The following INKA2 variants were observed in gnomAD, a reference collection of about 807,000 sequenced individuals.
INKA2 encodes the protein PAK4-inhibitor INKA2.
Under a neutral mutation model 9.8 loss-of-function variants are expected in INKA2, and 3 were observed. The observed-to-expected ratio is 0.31, with a 90% CI of 0.14 to 0.79. The LOEUF (loss-of-function observed/expected upper bound fraction) is 0.79. Among genes scored for constraint, INKA2 ranks in the 30% least tolerant of loss-of-function variants. The pLI, the probability that INKA2 is intolerant of heterozygous loss-of-function variation, is 0.62. For missense variants in INKA2, 392 were observed against 384.4 expected, an observed-to-expected ratio of 1.02 and a Z score of -0.17; for synonymous variants, 147 against 143.3, an observed-to-expected ratio of 1.03 and a Z score of -0.18.
At chr1:111,736,596 C>G (rs1663013131) in intron 1 of INKA2, among the ~76,000 whole-genome samples, 1 of 152,214 alleles carries the variant, frequency 6.6e-6, no homozygotes, top group Non-Finnish European at 1.5e-5. Context: ...GAATATAGAA[C>G]TTGACCAGTA....
intron 1 of INKA2, among the ~76,000 whole-genome samples, chr1:111,749,466 G>A (rs896512508): frequency 1.3e-5 from 2 of 152,014 alleles, no homozygotes; most frequent in Non-Finnish European, 2.9e-5. Context: ...GCGTGCTAGG[G>A]AGCCAAGGCA....
chr1:111,728,197 G>A (rs1305530190), intron 1 of INKA2, among the ~76,000 whole-genome samples: 1 of 151,962 alleles, frequency 6.6e-6, no homozygotes, highest in Admixed American at 6.5e-5. Context: ...GCACAAAGCT[G>A]TAGTGCCCAT....
chr1:111,740,387 G>A (rs1478252946), upstream of INKA2, among the ~76,000 whole-genome samples: 5 of 152,134 alleles, frequency 3.3e-5, no homozygotes, highest in Non-Finnish European at 7.4e-5. Context: ...AGACCGGTGG[G>A]GGGTGCTCCT....
chr1:111,738,193 A>G (rs1239972679), intron 1 of INKA2, among the ~76,000 whole-genome samples: 1 of 152,236 alleles, frequency 6.6e-6, no homozygotes, highest in Non-Finnish European at 1.5e-5. Context: ...GACACAACAG[A>G]GAGCCTAGTG....
At chr1:111,743,657 C>A (rs1191054715), upstream of INKA2, among the ~76,000 whole-genome samples, 1 of 152,230 alleles carries the variant, frequency 6.6e-6, no homozygotes, top group Non-Finnish European at 1.5e-5. Flanking sequence ...GGAAGACATA[C>A]CCGAGTGAGG....
chr1:111,755,497 C>G, intron 1 of INKA2: 2 of 597,308 alleles, frequency 3.3e-6, no homozygotes, highest in Non-Finnish European at 5.7e-6. Flanking sequence ...AAGAGGTGGC[C>G]GCGAAGCGAG....
At position 111,723,333 on chromosome 1, in the gene INKA2, G is replaced by A. The variant is rs1243314476; in HGVS notation, c.*3635C>T. 9 of 497,706 alleles carry A rather than the reference G, an allele frequency of 1.8e-5. No homozygotes were observed. The highest frequency in any genetic ancestry group is 1.0e-4 in the African/African-American group (5 of 49,668). The allele number at this position is 497,706 out of a possible 1,614,324, so 30.8% of individuals were successfully genotyped here. On this transcript the variant is annotated 3_prime_UTR_variant, in exon 2 of 2. Transcript: ENST00000357260. ...GGGTTCAGAGATCACCCTGAGGGGC[G>A]GGGCACAAGGGAAGTGTCTGAGGGA...
At chr1:111,742,759 C>T (rs1367396831), upstream of INKA2, among the ~76,000 whole-genome samples, 1 of 152,244 alleles carries the variant, frequency 6.6e-6, no homozygotes, top group Non-Finnish European at 1.5e-5. Context: ...CAGTGCAGAG[C>T]TCAAAAGAGA....
chr1:111,733,642 C>T (rs1006395379), intron 1 of INKA2, among the ~76,000 whole-genome samples: 1 of 152,186 alleles, frequency 6.6e-6, no homozygotes, highest in Non-Finnish European at 1.5e-5. Context: ...AACCAGATCC[C>T]ACCATCCTGG....
intron 1 of INKA2, among the ~76,000 whole-genome samples, chr1:111,732,225 C>T (rs1662922140): frequency 1.3e-5 from 2 of 152,168 alleles, no homozygotes; most frequent in Non-Finnish European, 2.9e-5. Context: ...TGGGATATGC[C>T]TTCTTCTTCC....
chr1:111,727,343 T>A lies in INKA2; in HGVS notation c.519A>T (p.Pro173=). The stretch of plus-strand genomic sequence containing the variant: ...CCTTCTCCCCACCCTTCTCCAGTTC[T>A]GGCAAGTCTAGCCAATTGCCCACCA... ...ADLVGNWLDL[P]ELEKGGEKGE... Residue 173 remains proline (P), a synonymous_variant, in exon 2 of 2, where the codon CCA becomes CCT. Coordinates refer to ENST00000357260, the MANE Select transcript of INKA2 (RefSeq NM_019099.5). 6.2e-7 allele frequency: 1 copy of A among 1,614,174 alleles called. No individual in the cohort carries two copies. Among genetic ancestry groups the A allele is most frequent in the South Asian group, 1.1e-5 (1 of 91,068 alleles).
chr1:111,752,772 C>T (rs1663438429), intron 1 of INKA2, among the ~76,000 whole-genome samples: 1 of 151,908 alleles, frequency 6.6e-6, no homozygotes, highest in Non-Finnish European at 1.5e-5. Flanking sequence ...CGGCTCACTG[C>T]AAGCTCTGCT....
chr1:111,724,939 T>G lies in INKA2; in HGVS notation c.*2029A>C, dbSNP rs544438165. 1 of 152,254 alleles carries G rather than the reference T, an allele frequency of 6.6e-6. No homozygotes were observed. Among genetic ancestry groups the G allele is most frequent in the Admixed American group, 6.5e-5 (1 of 15,286 alleles). 9.4% of individuals were successfully genotyped at this position (152,254 alleles called of 1,614,324 possible). ...CAATGCCTTCTAGGGTCCTTCTAAG[T>G]TTGAGAGATGTGCACATTACCTGAC... On this transcript the variant is annotated 3_prime_UTR_variant, in exon 2 of 2. Transcript: ENST00000357260.
chr1:111,729,459 G>A (rs913113287), intron 1 of INKA2, among the ~76,000 whole-genome samples: 1 of 152,222 alleles, frequency 6.6e-6, no homozygotes, highest in African/African-American at 2.4e-5. Context: ...CCGGCTGCCA[G>A]CTGGAAGGTG....
chr1:111,753,731 C>T (rs1476118981), intron 1 of INKA2: 1 of 152,190 alleles, frequency 6.6e-6, no homozygotes, highest in Non-Finnish European at 1.5e-5. Context: ...CTACCAGGTG[C>T]TTGGTGCTGG....
rs1445259814 is a variant in INKA2, at chr1:111,755,631, G to A, written n.124+70C>T. On this transcript the variant is annotated intron_variant and non_coding_transcript_variant, in intron 1 of 1. Transcript: ENST00000444059. ...GCTGGGCGGCTCCGCCCAGAAGAGGGCCGAGAGGCGGGGCGGTGCCCCCAC... is the reference window on the plus strand; with the variant it reads ...GCTGGGCGGCTCCGCCCAGAAGAGGACCGAGAGGCGGGGCGGTGCCCCCAC... 6 of 1,603,622 alleles carry A rather than the reference G, an allele frequency of 3.7e-6. No homozygotes were observed. The Admixed American group carries it at 8.4e-5, about 22-fold the overall frequency.
rs563246287 is a variant in INKA2 at position 111,722,924 on chromosome 1, C to T, written c.*4044G>A. The T allele has an allele frequency of 9.9e-5, 60 of 604,708 alleles. No homozygotes were observed. Among genetic ancestry groups the T allele is most frequent in the East Asian group, 1.5e-4 (5 of 33,018 alleles). The allele number at this position is 604,708 out of a possible 1,614,324, so 37.5% of individuals were successfully genotyped here. A position where few individuals can be genotyped will look rare whatever the true frequency, so the allele number is the denominator to read the frequency against. ...GCTGTATTCCAGGCAGTGCTTGGAC[C>T]GTAGGTGCATTATGTCCTTTAAATC... On this transcript the variant is annotated 3_prime_UTR_variant, in exon 2 of 2. Coordinates refer to ENST00000357260, the MANE Select transcript of INKA2 (RefSeq NM_019099.5).
Position 111,723,402 on chromosome 1 carries a change from A to G in INKA2, c.*3566T>C. 2.5e-6 allele frequency: 1 copy of G among 399,560 alleles called. No individual in the cohort carries two copies. 24.8% of individuals were successfully genotyped at this position (399,560 alleles called of 1,614,324 possible). On this transcript the variant is annotated 3_prime_UTR_variant, in exon 2 of 2. Transcript: ENST00000357260. Reference sequence around the variant, plus strand: ...CAAGTCTGAAAGGTTGGGAAGAGAAAGGGAGGAGGGAGACCAGGCCGGCCC... The same window carrying G: ...CAAGTCTGAAAGGTTGGGAAGAGAAGGGGAGGAGGGAGACCAGGCCGGCCC...
chr1:111,752,389 C>T (rs926076837), intron 1 of INKA2, among the ~76,000 whole-genome samples: 3 of 152,186 alleles, frequency 2.0e-5, no homozygotes, highest in Non-Finnish European at 4.4e-5. Flanking sequence ...AATGAGGATA[C>T]CTGTTTGTGT....
Sources: allele counts gnomAD v4.1 joint callset (sites outside exome capture counted in the v4.1 genomes callset), GRCh38; gene constraint gnomAD v4.1.1; transcripts MANE v1.5; gene names NCBI Gene and HGNC (gene_info 2026-07-23, HGNC 2026-07-21).